PCDHGA4: variants seen among roughly 807,000 people sequenced by gnomAD.
PCDHGA4 encodes the protein protocadherin gamma subfamily A, 4.
In PCDHGA4, 38 loss-of-function variants were observed where a neutral mutation model predicts 54.6. The observed-to-expected ratio is 0.70, with a 90% confidence interval of 0.54 to 0.91. PCDHGA4 has a LOEUF of 0.91. Among genes scored for constraint, PCDHGA4 ranks in the 40% least tolerant of loss-of-function variants. PCDHGA4 has a pLI of 0.00. For missense variants in PCDHGA4, 1,298 were observed against 1,220.9 expected (o/e 1.06, Z -0.94); for synonymous variants, 511 against 512.9 (o/e 1.00, Z 0.05).
chr5:141,412,219 C>T (rs549742411), intron 1 of PCDHGA4: 1 of 152,334 alleles, frequency 6.6e-6, no homozygotes, highest in African/African-American at 2.4e-5. Context: ...TAAACACTTA[C>T]TTGTTAAAAA....
intron 1 of PCDHGA4, among the ~76,000 whole-genome samples, chr5:141,470,572 A>G (rs1349952470): frequency 6.6e-6 from 1 of 152,208 alleles, no homozygotes; most frequent in Non-Finnish European, 1.5e-5. Flanking sequence ...GCCAAGCAGG[A>G]TCAACTTCAT....
Position 141,485,943 on chromosome 5 carries a change from C to A in PCDHGA4, c.2515-8864C>A, listed in dbSNP as rs750871245. The A allele has an allele frequency of 1.9e-6, 3 of 1,614,126 alleles. No individual in the cohort carries two copies. Among genetic ancestry groups the A allele is most frequent in the Non-Finnish European group, 1.7e-6 (2 of 1,180,012 alleles). ...ATTAGTGTGTTGGAGAGCGCACCAG[C>A]GGGCATGGTGCTCATCCAGCTCAAT... is the stretch of plus-strand genomic sequence containing the variant. On this transcript the variant is annotated intron_variant, in intron 1 of 3. Coordinates refer to ENST00000571252, the MANE Select transcript of PCDHGA4 (RefSeq NM_018917.4). The surrounding 1 kb of genome is among the most constrained non-coding windows in gnomAD (Gnocchi z 5.7).
intron 1 of PCDHGA4, chr5:141,372,312 C>T: frequency 6.2e-7 from 1 of 1,613,550 alleles, no homozygotes; most frequent in Non-Finnish European, 8.5e-7. Context: ...GGCCGCCCGC[C>T]AGCGCCTGCT....
chr5:141,452,172 T>G (rs1338447268), intron 1 of PCDHGA4, among the ~76,000 whole-genome samples: 1 of 152,206 alleles, frequency 6.6e-6, no homozygotes, highest in Non-Finnish European at 1.5e-5. Flanking sequence ...TTACTAACAT[T>G]TTTTATTTTG....
chr5:141,360,729 C>T (rs767195567), intron 1 of PCDHGA4: 2 of 1,613,886 alleles, frequency 1.2e-6, no homozygotes, highest in African/African-American at 1.3e-5. Flanking sequence ...TTCTAAAACA[C>T]TCTCTGGACA....
chr5:141,432,025 G>T lies in PCDHGA4; in HGVS notation c.2515-62782G>T. ...AGGTTCCTAGCTACAACATCACAGT[G>T]ACCGCCACTGACCGGGGAACCCCGC... On this transcript the variant is annotated intron_variant, in intron 1 of 3. Coordinates refer to ENST00000571252, the MANE Select transcript of PCDHGA4 (RefSeq NM_018917.4). The surrounding 1 kb of genome is among the most constrained non-coding windows in gnomAD (Gnocchi z 6.0). The T allele has an allele frequency of 6.2e-7, 1 of 1,614,158 alleles. No homozygotes were observed. The highest frequency in any genetic ancestry group is 1.1e-5 in the South Asian group (1 of 91,058).
At chr5:141,371,340 A>G in intron 1 of PCDHGA4, 2 of 1,613,980 alleles carry the variant, frequency 1.2e-6, no homozygotes, top group Non-Finnish European at 1.7e-6. Flanking sequence ...AGATAGCTAC[A>G]CAATTGGGGT....
rs532517723 is a variant in PCDHGA4, at chr5:141,486,244, A to G, written c.2515-8563A>G. The G allele has an allele frequency of 1.2e-5, 19 of 1,614,068 alleles. No homozygotes were observed. The Admixed American group carries it at 2.3e-4, about 20-fold the overall frequency. On this transcript the variant is annotated intron_variant, in intron 1 of 3. Coordinates refer to ENST00000571252, the MANE Select transcript of PCDHGA4 (RefSeq NM_018917.4). This position sits in a 1 kb window ranked among gnomAD's most constrained non-coding sequence, Gnocchi z 5.0. ...ACATCACAGTGACCTCAGAGCTTGGAACCCTCCCCGAGAGTGCAGAACCTG... is the reference window on the plus strand; with the variant it reads ...ACATCACAGTGACCTCAGAGCTTGGGACCCTCCCCGAGAGTGCAGAACCTG...
chr5:141,423,514 G>T (rs1208270970), intron 1 of PCDHGA4: 2 of 1,613,812 alleles, frequency 1.2e-6, no homozygotes, highest in Non-Finnish European at 1.7e-6. Flanking sequence ...TCTCATTGCG[G>T]ACTCGCAGAA....
chr5:141,511,055 A>ATG lies in PCDHGA4; in HGVS notation c.2773_2774dup (p.Tyr926SerfsTer10). 1 of 1,614,218 alleles carries ATG rather than the reference A, an allele frequency of 6.2e-7. No individual in the cohort carries two copies. The highest frequency in any genetic ancestry group is 8.5e-7 in the Non-Finnish European group (1 of 1,180,026). On this transcript the variant is annotated frameshift_variant, in exon 4 of 4. Coordinates refer to ENST00000571252, the MANE Select transcript of PCDHGA4 (RefSeq NM_018917.4). LOFTEE classifies it high-confidence loss of function. Reference sequence around the variant, plus strand: ...CAGCACGTGCCCGACTACCGCCAGAATGTCTACATCCCAGGCAGCAATGCC... The same window carrying ATG: ...CAGCACGTGCCCGACTACCGCCAGAATGTGTCTACATCCCAGGCAGCAATGCC...
chr5:141,495,603 C>T (rs2099762369), intron 2 of PCDHGA4, among the ~76,000 whole-genome samples: 1 of 152,238 alleles, frequency 6.6e-6, no homozygotes, highest in Non-Finnish European at 1.5e-5. Flanking sequence ...TAGCTTCCGT[C>T]TTGATTGCTG....
chr5:141,510,032 T>C (rs1410346284), intron 3 of PCDHGA4, among the ~76,000 whole-genome samples: 3 of 152,150 alleles, frequency 2.0e-5, no homozygotes, highest in Non-Finnish European at 4.4e-5. Flanking sequence ...GCTGGGCTGT[T>C]ATGTAGAGGT....
At chr5:141,390,385 C>T in intron 1 of PCDHGA4, 1 of 1,430,580 alleles carries the variant, frequency 7.0e-7, no homozygotes, top group South Asian at 1.3e-5. Flanking sequence ...TTTTAGATGT[C>T]ATGGATCATT....
intron 1 of PCDHGA4, among the ~76,000 whole-genome samples, chr5:141,482,988 G>A (rs982148755): frequency 2.6e-5 from 4 of 152,112 alleles, no homozygotes; most frequent in South Asian, 2.1e-4. Context: ...GAGAGGTCGA[G>A]GCAGGAGAAT....
intron 1 of PCDHGA4, chr5:141,408,080 C>G: frequency 7.1e-7 from 1 of 1,412,844 alleles, no homozygotes; most frequent in Non-Finnish European, 9.3e-7. Flanking sequence ...TTTCCCAGCA[C>G]AGCGGATTGC....
At position 141,403,190 on chromosome 5, in the gene PCDHGA4, C is replaced by G. The variant is rs768673759; in HGVS notation, c.2514+45569C>G. The G allele has an allele frequency of 1.1e-5, 17 of 1,613,864 alleles. No homozygotes were observed. The African/African-American group carries it at 2.0e-4, about 19-fold the overall frequency. On this transcript the variant is annotated intron_variant, in intron 1 of 3. Coordinates refer to ENST00000571252, the MANE Select transcript of PCDHGA4 (RefSeq NM_018917.4). ...GACGCAGCTTTTCTCTCTGAACCCG[C>G]GCAGCGGCACCTTGGTCACCGCGGG...
At chr5:141,456,204 C>A (rs867187371) in intron 1 of PCDHGA4, among the ~76,000 whole-genome samples, 17 of 152,222 alleles carry the variant, frequency 1.1e-4, no homozygotes, top group South Asian at 2.1e-4. Context: ...CTACCACATT[C>A]CTCCCTGTGG....
At chr5:141,408,019 A>G (rs1589652051) in intron 1 of PCDHGA4, 1 of 1,031,592 alleles carries the variant, frequency 9.7e-7, no homozygotes, top group Admixed American at 3.2e-5. Context: ...GCAGCCAACA[A>G]CAGAAAGAAG....
At chr5:141,392,249 T>C (rs1474806816) in intron 1 of PCDHGA4, 1 of 152,206 alleles carries the variant, frequency 6.6e-6, no homozygotes, top group Non-Finnish European at 1.5e-5. Context: ...TTTGTTAGTA[T>C]ATATTGGAGA....
Sources: gnomAD v4.1 joint callset for allele counts (sites outside exome capture counted in the v4.1 genomes callset) on GRCh38, gnomAD v4.1.1 for gene constraint, Gnocchi (gnomAD v3.1) non-coding constraint, MANE v1.5 for transcripts, NCBI Gene and HGNC (gene_info 2026-07-23, HGNC 2026-07-21) for gene names.